VPS13B: variants seen among roughly 807,000 people sequenced by gnomAD.
VPS13B encodes vacuolar protein sorting 13 homolog B.
In VPS13B, 285 loss-of-function variants were observed where a neutral mutation model predicts 426.4. That is an observed-to-expected ratio of 0.67 (90% CI 0.61 to 0.74). The LOEUF (loss-of-function observed/expected upper bound fraction) is 0.74. Ranked by LOEUF, VPS13B falls within the 30% of genes least tolerant of loss-of-function variation. The probability of loss-of-function intolerance (pLI) is 0.00; values close to 1 mark genes in which losing one functional copy is unlikely to be tolerated. For synonymous variants in VPS13B, 1,676 were observed against 1,676.4 expected, an observed-to-expected ratio of 1.00 and a Z score of 0.01; for missense variants, 4,537 against 4,782.6, an observed-to-expected ratio of 0.95 and a Z score of 1.51.
intron 17 of VPS13B, among the ~76,000 whole-genome samples, chr8:99,267,906 T>G (rs778119900): frequency 5.3e-5 from 8 of 151,900 alleles, no homozygotes; most frequent in Non-Finnish European, 1.2e-4. Context: ...CCAGGAGGTC[T>G]AGGAGGGAAA....
intron 30 of VPS13B, among the ~76,000 whole-genome samples, chr8:99,525,315 C>T (rs1822587284): frequency 6.6e-6 from 1 of 151,976 alleles, no homozygotes. Context: ...TTCTCTTTGC[C>T]TGTTTGTTTG....
At chr8:99,257,398 A>G (rs548455749) in intron 17 of VPS13B, among the ~76,000 whole-genome samples, 3 of 152,180 alleles carry the variant, frequency 2.0e-5, no homozygotes, top group Admixed American at 6.5e-5. Context: ...TTGTAGGATG[A>G]CAATTTTGTG....
intron 35 of VPS13B, among the ~76,000 whole-genome samples, chr8:99,662,946 T>C (rs1186787257): frequency 6.6e-6 from 1 of 152,160 alleles, no homozygotes; most frequent in African/African-American, 2.4e-5. Flanking sequence ...TAGTTCCAGC[T>C]ACTCTGGAGG....
rs1821777244 is a variant in VPS13B, at chr8:99,511,320, C to T, written c.4441C>T (p.Pro1481Ser). The T allele has an allele frequency of 1.9e-6, 3 of 1,613,774 alleles. No individual in the cohort carries two copies. The highest frequency in any genetic ancestry group is 2.5e-6 in the Non-Finnish European group (3 of 1,179,948). The change falls in exon 29 of 62, where the codon CCT becomes TCT. Residue 1481 changes from proline to serine, a missense_variant. Pro to Ser is a moderately conservative substitution (Grantham distance 74). This residue lies in a region of VPS13B where 4,311 missense variants were observed against 4,474.3 expected (regional missense o/e 0.96). Transcript: ENST00000357162. ...AQAFDIVLYF[P>S]LLNAIASIFQ... ...AGCTTTTGATATTGTTCTTTATTTT[C>T]CTTTACTTAATGCCATTGCAAGTAT...
At chr8:99,208,561 T>A (rs1156792496) in intron 17 of VPS13B, among the ~76,000 whole-genome samples, 1 of 150,954 alleles carries the variant, frequency 6.6e-6, no homozygotes, top group African/African-American at 2.4e-5. Context: ...GATTAAATAC[T>A]ATGTTGATTT....
At chr8:99,574,449 G>C (rs1825662046) in intron 31 of VPS13B, among the ~76,000 whole-genome samples, 4 of 152,168 alleles carry the variant, frequency 2.6e-5, no homozygotes, top group Non-Finnish European at 4.4e-5. Context: ...GTCATAAATA[G>C]CCCTTATTAT....
intron 21 of VPS13B, 124 bp downstream of exon 21, chr8:99,391,828 T>G: frequency 2.3e-6 from 3 of 1,278,322 alleles, no homozygotes; most frequent in Non-Finnish European, 3.3e-6. Context: ...ACAAAGAACT[T>G]TATTATCCAC....
At chr8:99,701,431 T>A (rs964665975) in intron 36 of VPS13B, among the ~76,000 whole-genome samples, 36 of 152,346 alleles carry the variant, frequency 2.4e-4, no homozygotes, top group African/African-American at 8.2e-4. Flanking sequence ...TTGCTTTTTT[T>A]ATTCATTAGT....
intron 28 of VPS13B, 124 bp from the exon 29 acceptor site, chr8:99,510,980 T>C (rs1821762110): frequency 4.8e-6 from 5 of 1,032,048 alleles, no homozygotes; most frequent in Non-Finnish European, 7.2e-6. Flanking sequence ...GTCATGTGTT[T>C]ATTAAGAAGT....
chr8:99,539,352 AT>A (rs1472989827), intron 30 of VPS13B, among the ~76,000 whole-genome samples: 2 of 152,234 alleles, frequency 1.3e-5, no homozygotes, highest in East Asian at 3.8e-4. Flanking sequence ...TATGATTATA[AT>A]TTTTGTATTT....
chr8:99,677,064 C>T (rs867434776), intron 35 of VPS13B, among the ~76,000 whole-genome samples: 23 of 152,130 alleles, frequency 1.5e-4, no homozygotes, highest in Middle Eastern at 3.4e-3. Context: ...TGCAATGAGC[C>T]GAGATCGTGT....
chr8:99,507,017 T>C, intron 27 of VPS13B, 120 bp from the exon 28 acceptor site: 1 of 1,025,116 alleles, frequency 9.8e-7, no homozygotes, highest in Non-Finnish European at 1.5e-6. Context: ...ATTGTCAGAT[T>C]TATGTTTTAG....
intron 57 of VPS13B, among the ~76,000 whole-genome samples, chr8:99,859,718 C>T (rs1228339192): frequency 2.6e-5 from 4 of 152,096 alleles, no homozygotes; most frequent in Non-Finnish European, 5.9e-5. Flanking sequence ...TTTTAAGCCT[C>T]CCATTGGGAA....
intron 25 of VPS13B, among the ~76,000 whole-genome samples, chr8:99,493,780 TAAAA>T (rs376555643): frequency 1.6e-5 from 1 of 61,166 alleles, no homozygotes; most frequent in Non-Finnish European, 3.2e-5. Context: ...AGACTCTATC[TAAAA>T]AAAAAAAAAA....
chr8:99,280,286 C>A (rs769161135), intron 19 of VPS13B, among the ~76,000 whole-genome samples: 2 of 152,162 alleles, frequency 1.3e-5, no homozygotes, highest in Non-Finnish European at 2.9e-5. Context: ...ACTACTGTTT[C>A]TCCAAGGAAG....
chr8:99,066,404 G>C (rs902190867), intron 3 of VPS13B, among the ~76,000 whole-genome samples: 46 of 152,232 alleles, frequency 3.0e-4, no homozygotes, highest in African/African-American at 1.0e-3. Context: ...AATGGGGAAA[G>C]GATTCCCTAT....
intron 20 of VPS13B, among the ~76,000 whole-genome samples, chr8:99,385,982 T>C (rs1814098286): frequency 6.6e-6 from 1 of 152,184 alleles, no homozygotes; most frequent in African/African-American, 2.4e-5. Context: ...TATTTGAGAC[T>C]TCATTTTGAA....
At chr8:99,311,694 T>A (rs1368195856) in intron 19 of VPS13B, among the ~76,000 whole-genome samples, 3 of 152,208 alleles carry the variant, frequency 2.0e-5, no homozygotes, top group African/African-American at 7.2e-5. Flanking sequence ...GTCCACTTGG[T>A]GCAGAGCTGA....
At chr8:99,439,338 C>T (rs73271304) in intron 22 of VPS13B, among the ~76,000 whole-genome samples, 2,538 of 152,098 alleles carry the variant, frequency 0.017, 65 homozygotes, top group African/African-American at 0.058. Context: ...TTTATGTTCT[C>T]GTGAGAATTC....
Sources: allele counts gnomAD v4.1 joint callset (sites outside exome capture counted in the v4.1 genomes callset), GRCh38; gene constraint gnomAD v4.1.1; regional missense constraint gnomAD v4.1.1; transcripts MANE v1.5; gene names NCBI Gene and HGNC (gene_info 2026-07-23, HGNC 2026-07-21).